ADAMTSL1: variants seen among roughly 807,000 people sequenced by gnomAD.
The protein encoded by ADAMTSL1 is ADAMTS like 1.
Under a neutral mutation model 201.8 loss-of-function variants are expected in ADAMTSL1, and 126 were observed. The ratio of observed to expected loss-of-function variants is 0.62; its 90% CI spans 0.54 to 0.72. ADAMTSL1 has a LOEUF of 0.72. ADAMTSL1 is among the 30% of genes least tolerant of loss of function. The pLI, the probability that ADAMTSL1 is intolerant of heterozygous loss-of-function variation, is 0.00. For synonymous variants in ADAMTSL1, 1,121 were observed against 903.4 expected, an observed-to-expected ratio of 1.24 and a Z score of -4.32; for missense variants, 2,679 against 2,277.8, an observed-to-expected ratio of 1.18 and a Z score of -3.59.
chr9:18,368,992 A>G (rs534429776), intron 2 of ADAMTSL1, among the ~76,000 whole-genome samples: 224 of 152,348 alleles, frequency 1.5e-3, no homozygotes, highest in Middle Eastern at 3.4e-3. Context: ...TGAGGATTCC[A>G]TTCTAGAGTT....
intron 3 of ADAMTSL1, among the ~76,000 whole-genome samples, chr9:18,572,019 C>T (rs573761669): frequency 3.3e-5 from 5 of 151,918 alleles, no homozygotes; most frequent in Admixed American, 2.6e-4. Context: ...ATGGCAAAAC[C>T]CTGTCTCTAC....
chr9:18,242,566 C>T (rs1563830511), intron 2 of ADAMTSL1, among the ~76,000 whole-genome samples: 1 of 151,956 alleles, frequency 6.6e-6, no homozygotes, highest in Non-Finnish European at 1.5e-5. Flanking sequence ...GGAAGAAATA[C>T]AATTATCTCT....
chr9:18,635,526 T>G (rs1264708012), intron 5 of ADAMTSL1, among the ~76,000 whole-genome samples: 1 of 152,198 alleles, frequency 6.6e-6, no homozygotes, highest in Non-Finnish European at 1.5e-5. Flanking sequence ...TTCTCTTACC[T>G]GTTCTACTCA....
chr9:18,322,280 T>G (rs189414693), intron 2 of ADAMTSL1, among the ~76,000 whole-genome samples: 2 of 152,244 alleles, frequency 1.3e-5, no homozygotes, highest in Admixed American at 1.3e-4. Context: ...ACCAATTATA[T>G]AGAAAAAAAT....
At chr9:18,213,812 T>A (rs1829967105) in intron 2 of ADAMTSL1, among the ~76,000 whole-genome samples, 1 of 152,140 alleles carries the variant, frequency 6.6e-6, no homozygotes, top group South Asian at 2.1e-4. Context: ...CGATCTCGGT[T>A]CACTGCAACT....
At position 18,200,271 on chromosome 9, in the gene ADAMTSL1, T is replaced by TA. The variant is rs555786282; in HGVS notation, c.207+36302dup. ...CAAAATAGCGAGACACTATCTCTAT[T>TA]AAAAAAAAAAAATTTGTACACAAGT... On this transcript the variant is annotated intron_variant, in intron 2 of 29. Coordinates refer to the ADAMTSL1 transcript ENST00000680146. Among the ~76,000 whole-genome samples, 1,176 of 147,730 alleles carry TA rather than the reference T, an allele frequency of 8.0e-3. 14 individuals carry two copies. Among genetic ancestry groups the TA allele is most frequent in the African/African-American group, 0.026 (1,054 of 40,584 alleles).
Position 18,660,229 on chromosome 9 carries a change from C to T in ADAMTSL1, c.947-1706C>T, listed in dbSNP as rs550187532. On this transcript the variant is annotated intron_variant, in intron 8 of 28. Coordinates refer to ENST00000380548, the MANE Select transcript of ADAMTSL1 (RefSeq NM_001040272.6). ...GTGAAGATGTGAGGGATGTGGAGAC[C>T]AGCTGTCCTTCCACTTTATTTTGAA... Among the ~76,000 whole-genome samples the T allele has an allele frequency of 3.9e-4, 59 of 152,258 alleles. No individual in the cohort carries two copies. In the South Asian group the frequency reaches 6.6e-3, roughly 17 times the overall value.
At chr9:18,343,641 G>A (rs1182547924) in intron 2 of ADAMTSL1, among the ~76,000 whole-genome samples, 4 of 152,032 alleles carry the variant, frequency 2.6e-5, no homozygotes, top group Admixed American at 2.6e-4. Flanking sequence ...ACAAGTAAAC[G>A]GTTTGGATAA....
chr9:18,145,100 TG>T (rs1375130228), intron 1 of ADAMTSL1, among the ~76,000 whole-genome samples: 20 of 152,322 alleles, frequency 1.3e-4, no homozygotes, highest in Admixed American at 9.1e-4. Flanking sequence ...AGGTATAACC[TG>T]ATCATTCTGA....
intron 1 of ADAMTSL1, among the ~76,000 whole-genome samples, chr9:18,017,848 C>T (rs896462354): frequency 5.3e-5 from 8 of 152,038 alleles, no homozygotes; most frequent in Non-Finnish European, 1.2e-4. Flanking sequence ...AACAGGCTGT[C>T]TTTTCCTGGC....
chr9:18,651,446 G>A (rs776785), intron 7 of ADAMTSL1: 92,293 of 152,072 alleles, frequency 0.61, 28,362 homozygotes, highest in African/African-American at 0.71. Flanking sequence ...GCAGAAAGCC[G>A]GATTAGACAG....
intron 1 of ADAMTSL1, among the ~76,000 whole-genome samples, chr9:18,055,276 T>C (rs1451981336): frequency 2.0e-5 from 3 of 152,190 alleles, no homozygotes; most frequent in Non-Finnish European, 4.4e-5. Flanking sequence ...TATAAGACCT[T>C]GGGCCTCACA....
chr9:18,905,089 A>C (rs1231118322), intron 26 of ADAMTSL1, among the ~76,000 whole-genome samples: 1 of 152,206 alleles, frequency 6.6e-6, no homozygotes, highest in African/African-American at 2.4e-5. Flanking sequence ...AGTGACCTCC[A>C]TGGGATGCGT....
At chr9:17,926,101 A>T (rs1391181896) in intron 1 of ADAMTSL1, among the ~76,000 whole-genome samples, 2 of 152,158 alleles carry the variant, frequency 1.3e-5, no homozygotes, top group Non-Finnish European at 2.9e-5. Flanking sequence ...TGTGATGTCT[A>T]CTGCATATGG....
chr9:18,362,985 T>G (rs1220751159), intron 2 of ADAMTSL1, among the ~76,000 whole-genome samples: 1 of 152,178 alleles, frequency 6.6e-6, no homozygotes, highest in Non-Finnish European at 1.5e-5. Context: ...AACACTGGCA[T>G]GGATATTAAA....
chr9:18,782,239 A>G (rs1381760099), intron 19 of ADAMTSL1, among the ~76,000 whole-genome samples: 1 of 152,250 alleles, frequency 6.6e-6, no homozygotes, highest in Non-Finnish European at 1.5e-5. Context: ...GTGCTAAGAA[A>G]GAGGTATGCA....
At chr9:18,326,105 C>T (rs1168234255) in intron 2 of ADAMTSL1, among the ~76,000 whole-genome samples, 1 of 152,072 alleles carries the variant, frequency 6.6e-6, no homozygotes, top group Non-Finnish European at 1.5e-5. Flanking sequence ...TTGTAAAGGC[C>T]CCACCTCTTA....
chr9:18,865,115 G>A (rs967553069), intron 23 of ADAMTSL1, among the ~76,000 whole-genome samples: 1 of 152,012 alleles, frequency 6.6e-6, no homozygotes, highest in African/African-American at 2.4e-5. Flanking sequence ...ATGTACACAT[G>A]TGCCATGTTG....
At chr9:18,441,541 A>C (rs1235184858) in intron 2 of ADAMTSL1, among the ~76,000 whole-genome samples, 3 of 152,206 alleles carry the variant, frequency 2.0e-5, no homozygotes, top group Admixed American at 6.5e-5. Context: ...AGATCTGGGA[A>C]ATTCACCCTG....
Sources: allele counts gnomAD v4.1 joint callset (sites outside exome capture counted in the v4.1 genomes callset), GRCh38; gene constraint gnomAD v4.1.1; transcripts MANE v1.5; gene names NCBI Gene and HGNC (gene_info 2026-07-23, HGNC 2026-07-21).